CCDC3: variants seen among roughly 807,000 people sequenced by gnomAD.
The protein encoded by CCDC3 is coiled-coil domain-containing protein 3.
CCDC3 carries 24 observed loss-of-function variants against 21.4 expected under a neutral mutation model. The ratio of observed to expected loss-of-function variants is 1.12; its 90% CI spans 0.81 to 1.58. The LOEUF is 1.58. Ranked by LOEUF, CCDC3 falls within the 40% of genes most tolerant of loss-of-function variation. The pLI, the probability that CCDC3 is intolerant of heterozygous loss-of-function variation, is 0.00. For synonymous variants in CCDC3, 186 were observed against 166.0 expected, an observed-to-expected ratio of 1.12 and a Z score of -0.93; for missense variants, 425 against 360.9, an observed-to-expected ratio of 1.18 and a Z score of -1.44.
chr10:12,921,706 T>G (rs999968814), intron 2 of CCDC3, among the ~76,000 whole-genome samples: 12 of 152,334 alleles, frequency 7.9e-5, no homozygotes, highest in South Asian at 4.1e-4. Flanking sequence ...TGTAGTTAAC[T>G]GCATAGACCA....
At chr10:12,933,457 TA>T (rs1427597106) in intron 2 of CCDC3, among the ~76,000 whole-genome samples, 2 of 87,072 alleles carry the variant, frequency 2.3e-5, no homozygotes, top group Non-Finnish European at 4.7e-5. Context: ...ATATTCCCTT[TA>T]TTTTTTTTTT....
intron 2 of CCDC3, among the ~76,000 whole-genome samples, chr10:12,900,350 C>T (rs577512293): frequency 2.0e-4 from 31 of 152,000 alleles, no homozygotes; most frequent in Non-Finnish European, 3.8e-4. Flanking sequence ...CAAAGAAAGA[C>T]TTGAGCCTCA....
At chr10:13,016,959 A>C (rs900890500) in intron 5 of CCDC3, among the ~76,000 whole-genome samples, 2 of 152,056 alleles carry the variant, frequency 1.3e-5, no homozygotes, top group African/African-American at 2.4e-5. Flanking sequence ...GGACAGAAAC[A>C]AGGGACCGAA....
chr10:13,035,755 C>T (rs1010559889), intron 5 of CCDC3, among the ~76,000 whole-genome samples: 12 of 152,232 alleles, frequency 7.9e-5, no homozygotes, highest in Non-Finnish European at 1.6e-4. Context: ...CCTGGGAAGA[C>T]ATTCAGAAAA....
In CCDC3 at chr10:12,898,631, C is replaced by T. The variant is rs145872952; in HGVS notation, c.598G>A (p.Val200Ile). 2.8e-4 allele frequency: 454 copies of T among 1,614,224 alleles called. No homozygotes were observed. The highest frequency in any genetic ancestry group is 3.4e-4 in the Non-Finnish European group (406 of 1,180,030). ...GCCACTTTCTGCTGCAGTTTCTTGACGTGGTCCTCCTCCTCAAACAAGGCC... is the reference window on the plus strand; with the variant it reads ...GCCACTTTCTGCTGCAGTTTCTTGATGTGGTCCTCCTCCTCAAACAAGGCC... The part of the protein sequence containing the change: ...QKALFEEEDH[V>I]KKLQQKVATL... Residue 200 changes from valine (V) to isoleucine (I), a missense_variant, in exon 3 of 3, where the codon GTC becomes ATC. Physicochemically the swap from Val to Ile is conservative, Grantham distance 29 (BLOSUM62 3). Coordinates refer to ENST00000378825, the MANE Select transcript of CCDC3 (RefSeq NM_031455.4).
At chr10:12,959,983 G>A (rs1038002527) in intron 2 of CCDC3, among the ~76,000 whole-genome samples, 3 of 152,104 alleles carry the variant, frequency 2.0e-5, no homozygotes, top group African/African-American at 7.2e-5. Context: ...GCGAAACCCC[G>A]TCTCTACTAA....
At chr10:12,938,194 C>A (rs533931531) in intron 2 of CCDC3, among the ~76,000 whole-genome samples, 2 of 152,176 alleles carry the variant, frequency 1.3e-5, no homozygotes, top group Admixed American at 6.5e-5. Flanking sequence ...AACTAACCTC[C>A]ACCCACAGAG....
chr10:13,033,120 A>AGTACTGTT (rs1836327450), intron 5 of CCDC3, among the ~76,000 whole-genome samples: 1 of 152,256 alleles, frequency 6.6e-6, no homozygotes, highest in South Asian at 2.1e-4. Context: ...CCAAAATAGC[A>AGTACTGTT]TGGTACTGGT....
chr10:12,932,922 G>A (rs1301797867), intron 2 of CCDC3, among the ~76,000 whole-genome samples: 1 of 152,178 alleles, frequency 6.6e-6, no homozygotes, highest in Non-Finnish European at 1.5e-5. Context: ...ATATGATCAT[G>A]TGATTTTTCT....
intron 5 of CCDC3, among the ~76,000 whole-genome samples, chr10:13,015,522 T>C (rs961718525): frequency 1.3e-5 from 2 of 152,096 alleles, no homozygotes; most frequent in African/African-American, 4.8e-5. Context: ...GTTTCACTCA[T>C]GCAGCCCTTA....
rs1207099641 is a variant in CCDC3 at position 12,927,104 on chromosome 10, CT to C, written c.550-28426del. Among the ~76,000 whole-genome samples, 5 of 152,270 alleles carry C rather than the reference CT, an allele frequency of 3.3e-5. No homozygotes were observed. The East Asian group carries it at 9.6e-4, about 29-fold the overall frequency. ...TACCAGTTCCTGTTTTCCATCTCCC[CT>C]GCCAAAAAGAAATTATTTTTAAAAT... is the stretch of plus-strand genomic sequence containing the variant. On this transcript the variant is annotated intron_variant, in intron 2 of 2. Coordinates refer to ENST00000378825, the MANE Select transcript of CCDC3 (RefSeq NM_031455.4).
chr10:12,956,814 A>C (rs2580892), intron 2 of CCDC3, among the ~76,000 whole-genome samples: 151,001 of 152,240 alleles, frequency 0.99, 74,905 homozygotes, highest in Middle Eastern at 1. Context: ...TGAACACACT[A>C]TCCTAGCAGC....
intron 2 of CCDC3, among the ~76,000 whole-genome samples, chr10:12,933,185 T>C (rs1414889680): frequency 6.6e-6 from 1 of 152,158 alleles, no homozygotes; most frequent in African/African-American, 2.4e-5. Flanking sequence ...TTAGGAGAGA[T>C]TCCCTCTACT....
chr10:12,986,468 A>T (rs576926148), intron 2 of CCDC3, among the ~76,000 whole-genome samples: 1 of 152,166 alleles, frequency 6.6e-6, no homozygotes, highest in Non-Finnish European at 1.5e-5. Context: ...AATAAAATGA[A>T]TTTTTTAAAA....
intron 3 of CCDC3, among the ~76,000 whole-genome samples, chr10:13,078,121 G>A (rs985582060): frequency 6.6e-6 from 1 of 152,100 alleles, no homozygotes; most frequent in Non-Finnish European, 1.5e-5. Context: ...CTGACAAAGG[G>A]TTAATATCCA....
intron 2 of CCDC3, among the ~76,000 whole-genome samples, chr10:12,996,370 C>A (rs754460027): frequency 1.3e-5 from 2 of 152,144 alleles, no homozygotes; most frequent in Non-Finnish European, 2.9e-5. Context: ...GAGTCTTACT[C>A]TGTCGCCCAG....
intron 2 of CCDC3, among the ~76,000 whole-genome samples, chr10:12,919,586 T>TTAAAA (rs368084819): frequency 7.6e-6 from 1 of 130,938 alleles, no homozygotes; most frequent in Non-Finnish European, 1.6e-5. Flanking sequence ...CAAGACTGTC[T>TTAAAA]AAAAAAAAAA....
At chr10:12,958,941 A>G (rs1287375327) in intron 2 of CCDC3, among the ~76,000 whole-genome samples, 1 of 152,232 alleles carries the variant, frequency 6.6e-6, no homozygotes, top group Non-Finnish European at 1.5e-5. Context: ...GGCCAGTCCT[A>G]GATCCTGGGG....
intron 3 of CCDC3, among the ~76,000 whole-genome samples, chr10:13,094,397 T>C (rs909646475): frequency 6.6e-6 from 1 of 152,030 alleles, no homozygotes; most frequent in Non-Finnish European, 1.5e-5. Flanking sequence ...GCTGGGACTA[T>C]AGGCGTGTGC....
Sources: gnomAD v4.1 joint callset for allele counts (sites outside exome capture counted in the v4.1 genomes callset) on GRCh38, gnomAD v4.1.1 for gene constraint, MANE v1.5 for transcripts, NCBI Gene and HGNC (gene_info 2026-07-23, HGNC 2026-07-21) for gene names.